Variants in BLK observed in about 807,000 individuals in gnomAD.
BLK encodes BLK proto-oncogene, Src family tyrosine kinase.
Under a neutral mutation model 61.8 loss-of-function variants are expected in BLK, and 64 were observed. The observed-to-expected ratio is 1.03, with a 90% CI of 0.85 to 1.27. The LOEUF is 1.27. Among genes scored for constraint, BLK ranks in the 50% most tolerant of loss-of-function variants. BLK has a pLI of 0.00. For synonymous variants in BLK, 351 were observed against 272.0 expected (o/e 1.29, Z -2.86); for missense variants, 853 against 660.5 (o/e 1.29, Z -3.19).
intron 1 of BLK, among the ~76,000 whole-genome samples, chr8:11,520,104 A>C (rs1799381819): frequency 6.6e-6 from 1 of 152,356 alleles, no homozygotes; most frequent in African/African-American, 2.4e-5. Flanking sequence ...TACTTCTATA[A>C]AACAAGCTAT....
chr8:11,503,667 G>C (rs1798650972), intron 1 of BLK, among the ~76,000 whole-genome samples: 1 of 152,140 alleles, frequency 6.6e-6, no homozygotes, highest in Non-Finnish European at 1.5e-5. Flanking sequence ...AAGGTCTGAG[G>C]GCTGAGACTT....
intron 1 of BLK, 53 bp downstream of exon 1, chr8:11,494,644 A>G (rs1798298806): frequency 6.6e-6 from 1 of 152,204 alleles, no homozygotes; most frequent in Admixed American, 6.5e-5. Context: ...AATTGTGCAA[A>G]TGGTGCTGTA....
chr8:11,518,487 C>T (rs1001485035), intron 1 of BLK, among the ~76,000 whole-genome samples: 8 of 152,136 alleles, frequency 5.3e-5, no homozygotes, highest in Non-Finnish European at 8.8e-5. Flanking sequence ...CTCTCCCTTG[C>T]ACCTCTGAAG....
chr8:11,532,630 C>A (rs1799937154), intron 1 of BLK, among the ~76,000 whole-genome samples: 1 of 151,944 alleles, frequency 6.6e-6, no homozygotes, highest in East Asian at 1.9e-4. Flanking sequence ...TATATTTGAA[C>A]CAGTTTATAT....
At chr8:11,508,476 T>C (rs1245387394) in intron 1 of BLK, among the ~76,000 whole-genome samples, 1 of 152,134 alleles carries the variant, frequency 6.6e-6, no homozygotes, top group African/African-American at 2.4e-5. Flanking sequence ...TGTGGGACCT[T>C]CCTTGGCCCC....
At chr8:11,547,517 G>A (rs1368744414) in intron 3 of BLK, among the ~76,000 whole-genome samples, 1 of 152,236 alleles carries the variant, frequency 6.6e-6, no homozygotes, top group Non-Finnish European at 1.5e-5. Context: ...AGGGTCACTG[G>A]CAGCCATAGA....
intron 11 of BLK, among the ~76,000 whole-genome samples, chr8:11,562,028 A>G (rs1801523035): frequency 6.6e-6 from 1 of 152,186 alleles, no homozygotes; most frequent in South Asian, 2.1e-4. Context: ...CATGTTGGCC[A>G]GGCTGGTCTC....
rs1393411887 is a variant in BLK, at chr8:11,561,286, G to A, written c.1030-16G>A. On this transcript the variant is annotated splice_polypyrimidine_tract_variant and intron_variant, in intron 10 of 12. Coordinates refer to ENST00000259089, the MANE Select transcript of BLK (RefSeq NM_001715.3). Reference sequence around the variant, plus strand: ...AGGCCCCCAGGCTGTCCTTCACCATGTGCCTGTTCCCTCAGATTGCTGAAG... The same window carrying A: ...AGGCCCCCAGGCTGTCCTTCACCATATGCCTGTTCCCTCAGATTGCTGAAG... 2.5e-6 allele frequency: 4 copies of A among 1,611,306 alleles called. No homozygotes were observed. The highest frequency in any genetic ancestry group is 2.2e-5 in the South Asian group (2 of 90,314).
chr8:11,539,647 T>A (rs1800286410), intron 1 of BLK, among the ~76,000 whole-genome samples: 2 of 152,236 alleles, frequency 1.3e-5, no homozygotes. Context: ...CTTCTTCCAA[T>A]AATATTTCAT....
In BLK at chr8:11,563,989, G is replaced by T; in HGVS notation, c.1399G>T (p.Gly467Cys). ...CACCTGCCCGCCCGAGCTGTACCGC[G>T]GCGTCATCGCCGAGTGCTGGCGCAG... is the stretch of plus-strand genomic sequence containing the variant. ...PDTCPPELYR[G>C]VIAECWRSRP... The change falls in exon 13 of 13, where the codon GGC becomes TGC. Residue 467 changes from glycine (G) to cysteine (C), a missense_variant. Gly to Cys is a radical substitution (Grantham distance 159). Coordinates refer to ENST00000259089, the MANE Select transcript of BLK (RefSeq NM_001715.3). 1.2e-6 allele frequency: 2 copies of T among 1,606,034 alleles called. No individual in the cohort carries two copies.
intron 1 of BLK, among the ~76,000 whole-genome samples, chr8:11,507,522 A>G (rs560683682): frequency 3.3e-5 from 5 of 152,348 alleles, no homozygotes; most frequent in African/African-American, 1.2e-4. Flanking sequence ...AAGGCAAGTC[A>G]CGCTTTAAAA....
At chr8:11,530,653 G>GCCCTGTACTC (rs1417931273) in intron 1 of BLK, among the ~76,000 whole-genome samples, 2 of 133,878 alleles carry the variant, frequency 1.5e-5, no homozygotes, top group Non-Finnish European at 1.6e-5. Context: ...AGTATATTTT[G>GCCCTGTACTC]CTCAATTGTT....
At chr8:11,517,742 C>T (rs1475606267) in intron 1 of BLK, among the ~76,000 whole-genome samples, 1 of 152,212 alleles carries the variant, frequency 6.6e-6, no homozygotes, top group Non-Finnish European at 1.5e-5. Flanking sequence ...GGCTTACAGG[C>T]TGCTGAACGC....
chr8:11,524,088 A>C (rs1320742559), intron 1 of BLK, among the ~76,000 whole-genome samples: 1 of 152,244 alleles, frequency 6.6e-6, no homozygotes, highest in Admixed American at 6.5e-5. Context: ...TATAACAGCC[A>C]AAAGTTGAAA....
At chr8:11,539,175 C>T (rs891067009) in intron 1 of BLK, among the ~76,000 whole-genome samples, 15 of 152,084 alleles carry the variant, frequency 9.9e-5, no homozygotes, top group Non-Finnish European at 1.5e-4. Flanking sequence ...TCATCCTCCC[C>T]AGCCTCTTTC....
At position 11,533,350 on chromosome 8, in the gene BLK, C is replaced by T. The variant is rs141755943; in HGVS notation, c.-1-9874C>T. Among the ~76,000 whole-genome samples, 1,486 of 152,260 alleles carry T rather than the reference C, an allele frequency of 9.8e-3. 12 individuals are homozygous for T. The highest frequency in any genetic ancestry group is 0.044 in the Middle Eastern group (13 of 294). On this transcript the variant is annotated intron_variant, in intron 1 of 12. Coordinates refer to ENST00000259089, the MANE Select transcript of BLK (RefSeq NM_001715.3). ...CCTCAAACCCGATGGAGGTGCTTCT[C>T]ACTGCACGCTCCCTTCTTACACATT... is the stretch of plus-strand genomic sequence containing the variant.
chr8:11,557,962 G>A lies in BLK; in HGVS notation c.953G>A (p.Gly318Glu). The A allele has an allele frequency of 5.6e-6, 9 of 1,613,938 alleles. No individual in the cohort carries two copies. In the South Asian group the frequency reaches 7.7e-5, roughly 14 times the overall value. ...GCACTTGCAACTTCTCTTTTCTTAG[G>A]ATGCCTGCTGGATTTCCTGAAGACA... ...IYIVTEYMAR[G>E]CLLDFLKTDE... Residue 318 changes from glycine (G) to glutamate (E), a missense_variant and splice_region_variant, in exon 10 of 13, where the codon GGA (glycine) becomes GAA (glutamate). Physicochemically the swap from Gly to Glu is moderately conservative, Grantham distance 98. Coordinates refer to ENST00000259089, the MANE Select transcript of BLK (RefSeq NM_001715.3).
rs1800722259 is a variant in BLK, at chr8:11,548,031, G to A, written c.176-1G>A. The A allele has an allele frequency of 6.2e-7, 1 of 1,613,808 alleles. No homozygotes were observed. Among genetic ancestry groups the A allele is most frequent in the East Asian group, 2.2e-5 (1 of 44,894 alleles). ...GGTCATCTCTCCCTTGTTCATTTTA[G>A]ACAAGCATTTCGTGGTGGCTCTGTA... On this transcript the variant is annotated splice_acceptor_variant, in intron 3 of 12. Coordinates refer to ENST00000259089, the MANE Select transcript of BLK (RefSeq NM_001715.3). LOFTEE classifies it high-confidence loss of function.
intron 1 of BLK, among the ~76,000 whole-genome samples, chr8:11,536,876 G>A (rs911784210): frequency 6.6e-6 from 1 of 152,206 alleles, no homozygotes; most frequent in Non-Finnish European, 1.5e-5. Context: ...CTTTGGTACA[G>A]AATCATGCCC....
Sources: allele counts gnomAD v4.1 joint callset (sites outside exome capture counted in the v4.1 genomes callset), GRCh38; gene constraint gnomAD v4.1.1; transcripts MANE v1.5; gene names NCBI Gene and HGNC (gene_info 2026-07-23, HGNC 2026-07-21).